The following PRDM2 variants were observed in gnomAD, a reference collection of about 807,000 sequenced individuals.
PRDM2 encodes the protein PR domain zinc finger protein 2.
Under a neutral mutation model 130.0 loss-of-function variants are expected in PRDM2, and 30 were observed. The ratio of observed to expected loss-of-function variants is 0.23; its 90% CI spans 0.17 to 0.31. The LOEUF (loss-of-function observed/expected upper bound fraction) is 0.31, where lower values mean the gene tolerates loss of function less well. Ranked by LOEUF, PRDM2 falls within the 10% of genes least tolerant of loss-of-function variation. PRDM2 has a pLI of 1.00. For synonymous variants in PRDM2, 871 were observed against 782.4 expected, an observed-to-expected ratio of 1.11 and a Z score of -1.89; for missense variants, 2,011 against 2,108.4, an observed-to-expected ratio of 0.95 and a Z score of 0.90.
chr1:13,749,691 CGCT>C (rs1457929742), intron 6 of PRDM2, among the ~76,000 whole-genome samples: 1 of 151,590 alleles, frequency 6.6e-6, no homozygotes. Context: ...GCCCTGCGAT[CGCT>C]GCCCTCCCGC....
chr1:13,783,217 G>T (rs778055529), intron 8 of PRDM2: 2 of 511,338 alleles, frequency 3.9e-6, no homozygotes, highest in South Asian at 2.9e-5. Flanking sequence ...GTTAAGACGG[G>T]TCACTAAGTT....
chr1:13,712,616 C>T (rs1642405721), intron 1 of PRDM2, among the ~76,000 whole-genome samples: 1 of 151,874 alleles, frequency 6.6e-6, no homozygotes, highest in Non-Finnish European at 1.5e-5. Context: ...TATTGGCTGG[C>T]CTTGGTGGCA....
At chr1:13,749,825 C>T (rs1320234837) in intron 6 of PRDM2, among the ~76,000 whole-genome samples, 1 of 152,104 alleles carries the variant, frequency 6.6e-6, no homozygotes, top group Non-Finnish European at 1.5e-5. Flanking sequence ...CCGGACGTTC[C>T]CCCGCTGGCA....
chr1:13,782,107 A>G lies in PRDM2; in HGVS notation c.4312A>G (p.Lys1438Glu). The G allele has an allele frequency of 1.2e-6, 2 of 1,614,060 alleles. No homozygotes were observed. The highest frequency in any genetic ancestry group is 1.7e-6 in the Non-Finnish European group (2 of 1,180,026). The change falls in exon 8 of 10, where the codon AAA (lysine) becomes GAA (glutamate). Residue 1438 changes from lysine to glutamate, a missense_variant. Lys to Glu is a moderately conservative substitution (Grantham distance 56). This residue lies in a region of PRDM2 where 410 missense variants were observed against 395.9 expected (regional missense o/e 1.04). Transcript: ENST00000311066. The part of the protein sequence containing the change: ...LVQKAILQKN[K>E]SAKQKADLKN... ...ACAGAAAGCAATTCTTCAGAAAAAC[A>G]AATCTGCAAAGCAGAAGGCCGACTT...
In PRDM2 at chr1:13,823,271, G is replaced by C; in HGVS notation, c.*136G>C. On this transcript the variant is annotated 3_prime_UTR_variant, in exon 10 of 10. Transcript: ENST00000311066. ...TGCGAGAGAAAGGGAGTGCATGTGC[G>C]CGCGTGCATGTGTGCGTGCGTGTGT... 2.8e-6 allele frequency: 4 copies of C among 1,440,382 alleles called. No individual in the cohort carries two copies. Among genetic ancestry groups the C allele is most frequent in the South Asian group, 1.2e-5 (1 of 85,430 alleles). 89.2% of individuals were successfully genotyped at this position (1,440,382 alleles called of 1,614,324 possible). A position where few individuals can be genotyped will look rare whatever the true frequency, so the allele number is the denominator to read the frequency against.
intron 2 of PRDM2, among the ~76,000 whole-genome samples, chr1:13,720,670 A>G (rs1001290795): frequency 6.6e-6 from 1 of 152,240 alleles, no homozygotes; most frequent in Non-Finnish European, 1.5e-5. Flanking sequence ...GTCAGGCACT[A>G]GCCTAAGTGC....
chr1:13,727,411 C>T lies in PRDM2; in HGVS notation c.10-3589C>T, dbSNP rs376394132. ...CTGGGATTACAGGCATGAGCCACCACGCCCAGCTAATTTTTGTATTTTAAG... is the reference window on the plus strand; with the variant it reads ...CTGGGATTACAGGCATGAGCCACCATGCCCAGCTAATTTTTGTATTTTAAG... On this transcript the variant is annotated intron_variant, in intron 2 of 9. Coordinates refer to ENST00000311066, the MANE Select transcript of PRDM2 (RefSeq NM_001393986.1). Among the ~76,000 whole-genome samples, 11 of 152,140 alleles carry T rather than the reference C, an allele frequency of 7.2e-5. No homozygotes were observed. In the East Asian group the frequency reaches 1.3e-3, roughly 19 times the overall value.
chr1:13,822,596 C>T (rs556476144), intron 9 of PRDM2, among the ~76,000 whole-genome samples: 28 of 152,058 alleles, frequency 1.8e-4, no homozygotes, highest in East Asian at 5.8e-4. Context: ...AGGGTTTCAC[C>T]GTAGCCAGGA....
Position 13,823,223 on chromosome 1 carries a change from G to C in PRDM2, c.*88G>C. The stretch of plus-strand genomic sequence containing the variant: ...GGCAGTCTGCCCTGCAGGGAGTACC[G>C]ACCTATCCCAGTTGTGTGAGGCTGC... On this transcript the variant is annotated 3_prime_UTR_variant, in exon 10 of 10. Transcript: ENST00000311066. 6.2e-7 allele frequency: 1 copy of C among 1,606,414 alleles called. No homozygotes were observed. Among genetic ancestry groups the C allele is most frequent in the Non-Finnish European group, 8.5e-7 (1 of 1,173,616 alleles).
chr1:13,700,380 G>C (rs1354231741), intron 1 of PRDM2, 80 bp downstream of exon 1: 1 of 149,044 alleles, frequency 6.7e-6, no homozygotes, highest in African/African-American at 2.4e-5. Context: ...CGGCGGCGAC[G>C]GCGGCGGCGA....
At chr1:13,793,161 G>T (rs563990562) in intron 8 of PRDM2, among the ~76,000 whole-genome samples, 2 of 152,336 alleles carry the variant, frequency 1.3e-5, no homozygotes, top group South Asian at 4.1e-4. Context: ...CCTGGGTGCT[G>T]TTAGTTACTG....
Position 13,717,409 on chromosome 1 carries a change from C to T in PRDM2, c.9+1795C>T, listed in dbSNP as rs1394463815. 4 of 985,310 alleles carry T rather than the reference C, an allele frequency of 4.1e-6. No individual in the cohort carries two copies. The African/African-American group carries it at 7.0e-5, about 17-fold the overall frequency. The allele number at this position is 985,310 out of a possible 1,614,324, so 61.0% of individuals were successfully genotyped here. On this transcript the variant is annotated intron_variant, in intron 2 of 9. Coordinates refer to ENST00000311066, the MANE Select transcript of PRDM2 (RefSeq NM_001393986.1). ...ACTGTTTTGTTGGAGGAGTCTTGAT[C>T]CTGCGTTAGAATGGTTGTGAGTTCT...
intron 7 of PRDM2, among the ~76,000 whole-genome samples, chr1:13,775,176 A>T (rs933732478): frequency 2.6e-5 from 4 of 152,216 alleles, no homozygotes; most frequent in Non-Finnish European, 5.9e-5. Flanking sequence ...AAGTGCGTGG[A>T]TCCACTCTGG....
chr1:13,718,008 CA>C (rs749137247), intron 2 of PRDM2, among the ~76,000 whole-genome samples: 16 of 152,292 alleles, frequency 1.1e-4, no homozygotes, highest in Admixed American at 7.8e-4. Flanking sequence ...TGTTTTTCAA[CA>C]ATCACCCCAG....
chr1:13,785,080 T>C (rs1053066894), intron 8 of PRDM2, among the ~76,000 whole-genome samples: 3 of 152,366 alleles, frequency 2.0e-5, no homozygotes, highest in Non-Finnish European at 4.4e-5. Flanking sequence ...CTGGGTAATA[T>C]GATGATTGTC....
chr1:13,810,419 C>T (rs1386547924), intron 8 of PRDM2, among the ~76,000 whole-genome samples: 2 of 152,216 alleles, frequency 1.3e-5, no homozygotes, highest in South Asian at 2.1e-4. Context: ...TGTAAGCCAT[C>T]GGCCGTATTC....
chr1:13,701,465 A>G (rs1245171413), intron 1 of PRDM2, among the ~76,000 whole-genome samples: 1 of 152,118 alleles, frequency 6.6e-6, no homozygotes, highest in Non-Finnish European at 1.5e-5. Flanking sequence ...GGCCTTTTAA[A>G]AAAAAACATG....
chr1:13,742,117 C>T lies in PRDM2; in HGVS notation c.344C>T (p.Pro115Leu). 1.2e-6 allele frequency: 2 copies of T among 1,613,890 alleles called. No homozygotes were observed. Among genetic ancestry groups the T allele is most frequent in the Non-Finnish European group, 8.5e-7 (1 of 1,179,802 alleles). Residue 115 changes from proline (P) to leucine (L), a missense_variant, in exon 5 of 10, where the codon CCA (proline) becomes CTA (leucine). Physicochemically the swap from Pro to Leu is moderately conservative, Grantham distance 98 (BLOSUM62 -3). Coordinates refer to ENST00000311066, the MANE Select transcript of PRDM2 (RefSeq NM_001393986.1). ...ACSGEEQNLF[P>L]LEINRAIYYK... is the part of the protein sequence containing the mutation. ...TCAGGAGAAGAGCAAAATTTATTCC[C>T]ACTGGAAATCAACAGAGCCATTTAC... is the stretch of plus-strand genomic sequence containing the variant.
chr1:13,807,902 G>A (rs887972054), intron 8 of PRDM2, among the ~76,000 whole-genome samples: 3 of 152,170 alleles, frequency 2.0e-5, no homozygotes, highest in Admixed American at 2.0e-4. Flanking sequence ...GAGTGGACCA[G>A]GTGTTTGAGG....
Sources: allele counts gnomAD v4.1 joint callset (sites outside exome capture counted in the v4.1 genomes callset), GRCh38; gene constraint gnomAD v4.1.1; regional missense constraint gnomAD v4.1.1; transcripts MANE v1.5; gene names NCBI Gene and HGNC (gene_info 2026-07-23, HGNC 2026-07-21).